Variants in RBL1 observed in about 807,000 individuals in gnomAD.
RBL1 encodes RB transcriptional corepressor like 1.
Under a neutral mutation model 123.0 loss-of-function variants are expected in RBL1, and 82 were observed. That is an observed-to-expected ratio of 0.67 (90% CI 0.56 to 0.80). The LOEUF (loss-of-function observed/expected upper bound fraction) is 0.80, where lower values mean the gene tolerates loss of function less well. Among genes scored for constraint, RBL1 ranks in the 30% least tolerant of loss-of-function variants. The pLI is 0.00. For synonymous variants in RBL1, 405 were observed against 441.3 expected (o/e 0.92, Z 1.03); for missense variants, 1,171 against 1,299.6 (o/e 0.90, Z 1.52).
chr20:37,054,928 A>C (rs2064979178), intron 11 of RBL1, among the ~76,000 whole-genome samples: 1 of 152,198 alleles, frequency 6.6e-6, no homozygotes, highest in African/African-American at 2.4e-5. Context: ...CAGAAAAGAG[A>C]AACCAACACA....
intron 2 of RBL1, among the ~76,000 whole-genome samples, chr20:37,083,329 G>A (rs1057204827): frequency 1.1e-4 from 16 of 151,458 alleles, no homozygotes; most frequent in Admixed American, 2.0e-4. Flanking sequence ...TTACCTGAGC[G>A]TGATGAAATG....
Position 37,056,157 on chromosome 20 carries a change from C to A in RBL1, c.1352G>T (p.Gly451Val). Residue 451 changes from glycine (G) to valine (V), a missense_variant, in exon 10 of 22, where the codon GGA (glycine) becomes GTA (valine). Physicochemically the swap from Gly to Val is moderately radical, Grantham distance 109 (BLOSUM62 -3). Transcript: ENST00000373664. ...HYTQSTDEQP[G>V]SHIDFAVNRL... is the part of the protein sequence containing the mutation. ...TTTTCTTTTCTTACCTATGTGAGAT[C>A]CTGGCTGTTCATCTGTTGATTGAGT... is the stretch of plus-strand genomic sequence containing the variant. The A allele has an allele frequency of 6.2e-7, 1 of 1,607,498 alleles. No homozygotes were observed. The highest frequency in any genetic ancestry group is 8.5e-7 in the Non-Finnish European group (1 of 1,179,030).
At chr20:37,033,614 C>CTT (rs1379232315) in intron 15 of RBL1, among the ~76,000 whole-genome samples, 15 of 125,764 alleles carry the variant, frequency 1.2e-4, no homozygotes, top group Non-Finnish European at 1.2e-4. Flanking sequence ...TGCAGCTGGA[C>CTT]TTTTTTTTTT....
At chr20:37,046,403 C>CT (rs1372288432) in intron 12 of RBL1, among the ~76,000 whole-genome samples, 12 of 151,196 alleles carry the variant, frequency 7.9e-5, no homozygotes, top group Admixed American at 2.7e-4. Context: ...TTCTCTCTCT[C>CT]TTTTTTTTTC....
chr20:37,065,044 A>T (rs1303048361), intron 7 of RBL1, among the ~76,000 whole-genome samples: 3 of 150,456 alleles, frequency 2.0e-5, no homozygotes, highest in African/African-American at 7.3e-5. Flanking sequence ...CGATCCTCCA[A>T]CCTCAACCTC....
Position 37,058,135 on chromosome 20 carries a change from C to CAA in RBL1, c.1251-1879_1251-1878dup, listed in dbSNP as rs796829143. On this transcript the variant is annotated intron_variant, in intron 9 of 21. Transcript: ENST00000373664. Reference sequence around the variant, plus strand: ...CTGTCTAAAAAAAAAAAAAACAAAACAAAACAAAAAAAAAAAAGCCTATTC... The same window carrying CAA: ...CTGTCTAAAAAAAAAAAAAACAAAACAAAAAACAAAAAAAAAAAAGCCTATTC... Among the ~76,000 whole-genome samples, 3 of 126,020 alleles carry CAA rather than the reference C, an allele frequency of 2.4e-5. 1 individual carries two copies. The highest frequency in any genetic ancestry group is 5.0e-5 in the Non-Finnish European group (3 of 59,990). The allele number at this position is 126,020 out of a possible 152,430, so 82.7% of individuals were successfully genotyped here. A position where few individuals can be genotyped will look rare whatever the true frequency, so the allele number is the denominator to read the frequency against.
At position 37,065,456 on chromosome 20, in the gene RBL1, G is replaced by C. The variant is rs771638819; in HGVS notation, c.864C>G (p.Cys288Trp). 1 of 1,596,456 alleles carries C rather than the reference G, an allele frequency of 6.3e-7. No homozygotes were observed. The highest frequency in any genetic ancestry group is 1.3e-5 in the African/African-American group (1 of 74,538). Residue 288 changes from cysteine (C) to tryptophan (W), a missense_variant, in exon 7 of 22, where the codon TGC becomes TGG. Cys to Trp is a radical substitution (Grantham distance 215). Transcript: ENST00000373664. ...CAGTAAAACTTGAAAGGTCCAGGAG[G>C]CATTCTCCTTTTAATATCTGTGAAC... ...LFDRKILKGE[C>W]LLDLSSFTDN...
chr20:37,005,622 A>AAT (rs2064057922), intron 20 of RBL1, among the ~76,000 whole-genome samples: 1 of 152,212 alleles, frequency 6.6e-6, no homozygotes, highest in Admixed American at 6.5e-5. Context: ...AAGATTTATA[A>AAT]ATAAGTTGGA....
At chr20:37,000,608 C>T (rs1216915859) in intron 21 of RBL1, among the ~76,000 whole-genome samples, 3 of 143,036 alleles carry the variant, frequency 2.1e-5, no homozygotes, top group South Asian at 2.2e-4. Context: ...GGGTCAGCCC[C>T]GGGCCCGGCC....
intron 9 of RBL1, among the ~76,000 whole-genome samples, chr20:37,057,280 G>A (rs2065026653): frequency 6.6e-6 from 1 of 152,160 alleles, no homozygotes; most frequent in Non-Finnish European, 1.5e-5. Flanking sequence ...CGTCCGTACT[G>A]TTTTCCATAG....
Position 36,998,832 on chromosome 20 carries a change from C to A in RBL1, c.3134G>T (p.Arg1045Leu). ...IDSDAESPAK[R>L]VCQENDDVLL... ...AACGTCATCATTTTCTTGACAGACGCGTTTGGCAGGGGATTCTGCATCACT... is the reference window on the plus strand; with the variant it reads ...AACGTCATCATTTTCTTGACAGACGAGTTTGGCAGGGGATTCTGCATCACT... The change falls in exon 22 of 22, where the codon CGC becomes CTC. Residue 1045 changes from arginine (R) to leucine (L), a missense_variant. Coordinates refer to ENST00000373664, the MANE Select transcript of RBL1 (RefSeq NM_002895.5). 1 of 1,613,636 alleles carries A rather than the reference C, an allele frequency of 6.2e-7. No individual in the cohort carries two copies. The highest frequency in any genetic ancestry group is 8.5e-7 in the Non-Finnish European group (1 of 1,179,630).
At chr20:37,044,336 T>C (rs1447780142) in intron 12 of RBL1, 86 bp from the exon 13 acceptor site, 7 of 1,304,284 alleles carry the variant, frequency 5.4e-6, no homozygotes, top group Non-Finnish European at 6.4e-6. Context: ...TGTGGCTTTC[T>C]TCTTCTTCTT....
intron 7 of RBL1, among the ~76,000 whole-genome samples, chr20:37,064,430 G>C (rs2065146897): frequency 6.6e-6 from 1 of 151,888 alleles, no homozygotes; most frequent in Admixed American, 6.6e-5. Flanking sequence ...GCCATTGCAC[G>C]CCTGGCTGAG....
chr20:37,093,787 G>A (rs1356306253), intron 1 of RBL1, among the ~76,000 whole-genome samples: 1 of 151,714 alleles, frequency 6.6e-6, no homozygotes, highest in African/African-American at 2.4e-5. Flanking sequence ...GATTACAAGT[G>A]CACGTCACCA....
At chr20:37,069,348 G>A (rs1009404715) in intron 2 of RBL1, among the ~76,000 whole-genome samples, 2 of 151,724 alleles carry the variant, frequency 1.3e-5, no homozygotes, top group African/African-American at 4.8e-5. Context: ...AGTCTGGAAA[G>A]TGAGGAGCGT....
intron 14 of RBL1, among the ~76,000 whole-genome samples, chr20:37,037,937 G>A (rs375035983): frequency 1.3e-4 from 19 of 150,578 alleles, no homozygotes; most frequent in African/African-American, 4.4e-4. Flanking sequence ...TGCCCGCCTC[G>A]GCCTCCCAAA....
At chr20:37,049,831 G>A (rs1010473225) in intron 11 of RBL1, 2 of 423,692 alleles carry the variant, frequency 4.7e-6, no homozygotes, top group African/African-American at 2.1e-5. Context: ...GGGAGGCTGA[G>A]GTGGGTGGAT....
intron 21 of RBL1, among the ~76,000 whole-genome samples, chr20:37,001,934 A>AC (rs2063989718): frequency 1.3e-5 from 2 of 151,080 alleles, no homozygotes; most frequent in African/African-American, 4.8e-5. Flanking sequence ...AAAAAAAAAA[A>AC]AAAAAAAACA....
At chr20:37,067,766 C>CAAAAAA (rs1168742059) in intron 3 of RBL1, among the ~76,000 whole-genome samples, 96 of 62,594 alleles carry the variant, frequency 1.5e-3, no homozygotes, top group Middle Eastern at 0.01. Context: ...TGAGACTCCT[C>CAAAAAA]AAAAAAAAAA....
Sources: gnomAD v4.1 joint callset for allele counts (sites outside exome capture counted in the v4.1 genomes callset) on GRCh38, gnomAD v4.1.1 for gene constraint, MANE v1.5 for transcripts, NCBI Gene and HGNC (gene_info 2026-07-23, HGNC 2026-07-21) for gene names.